The following FAM200B variants were observed in gnomAD, a reference collection of about 807,000 sequenced individuals.
FAM200B encodes protein FAM200B.
FAM200B carries 32 observed loss-of-function variants against 33.1 expected under a neutral mutation model. The observed-to-expected ratio is 0.97, with a 90% CI of 0.73 to 1.30. The LOEUF is 1.30. Ranked by LOEUF, FAM200B falls within the 50% of genes most tolerant of loss-of-function variation. FAM200B has a pLI of 0.00. For synonymous variants in FAM200B, 240 were observed against 264.8 expected (o/e 0.91, Z 0.91); for missense variants, 741 against 754.0 (o/e 0.98, Z 0.20).
chr4:15,638,977 C>T, the FAM200B span, among the ~76,000 whole-genome samples: 1 of 152,066 alleles, frequency 6.6e-6, no homozygotes, highest in African/African-American at 2.4e-5. Flanking sequence ...CCAACCTGAT[C>T]AACATAGAAA....
chr4:15,675,444 T>G, the FAM200B span, among the ~76,000 whole-genome samples: 1 of 152,154 alleles, frequency 6.6e-6, no homozygotes, highest in African/African-American at 2.4e-5. Context: ...CAGGCTTAGA[T>G]CCTATCTAAC....
chr4:15,664,175 A>G, the FAM200B span, among the ~76,000 whole-genome samples: 1 of 152,158 alleles, frequency 6.6e-6, no homozygotes. Context: ...TCATTTTTCC[A>G]TCACTCAGTA....
chr4:15,666,537 CAA>C, the FAM200B span, among the ~76,000 whole-genome samples: 290 of 150,492 alleles, frequency 1.9e-3, 1 homozygote, highest in African/African-American at 6.6e-3. Flanking sequence ...TCAAAGCATG[CAA>C]AGTGTCAGGT....
At chr4:15,637,184 C>T in the FAM200B span, among the ~76,000 whole-genome samples, 5 of 152,094 alleles carry the variant, frequency 3.3e-5, no homozygotes. Flanking sequence ...AAGAGGTCTG[C>T]GAAATCTGAC....
At chr4:15,640,768 G>A in the FAM200B span, 49 of 1,351,272 alleles carry the variant, frequency 3.6e-5, 1 homozygote, top group South Asian at 1.1e-4. Context: ...TCTAAATCAC[G>A]AAAGAAAAAT....
chr4:15,638,588 A>T, the FAM200B span: 1 of 1,613,516 alleles, frequency 6.2e-7, no homozygotes, highest in South Asian at 1.1e-5. Context: ...AAGACCTCTA[A>T]GGAGTTCTGC....
chr4:15,677,861 C>G (rs1307244946), upstream of FAM200B, among the ~76,000 whole-genome samples: 1 of 152,114 alleles, frequency 6.6e-6, no homozygotes, highest in Admixed American at 6.6e-5. Context: ...TGGAAGAAGT[C>G]CAAGTAGGTT....
the FAM200B span, among the ~76,000 whole-genome samples, chr4:15,676,445 C>CA: frequency 1.3e-5 from 2 of 150,060 alleles, no homozygotes; most frequent in African/African-American, 4.9e-5. Context: ...ATGTCAACAA[C>CA]AAAAAAAAGG....
the FAM200B span, among the ~76,000 whole-genome samples, chr4:15,663,419 C>T: frequency 6.6e-6 from 1 of 152,134 alleles, no homozygotes; most frequent in Non-Finnish European, 1.5e-5. Context: ...AATGGTTTGA[C>T]CTGTTGTAGT....
the FAM200B span, among the ~76,000 whole-genome samples, chr4:15,639,392 G>A: frequency 1.3e-5 from 2 of 152,198 alleles, no homozygotes; most frequent in African/African-American, 4.8e-5. Flanking sequence ...AGTACCCAGT[G>A]TAGTGGAACC....
the FAM200B span, among the ~76,000 whole-genome samples, chr4:15,641,880 A>G: frequency 1.3e-5 from 2 of 152,084 alleles, no homozygotes; most frequent in African/African-American, 4.8e-5. Flanking sequence ...TACAAAAATC[A>G]GCCAGGTGTA....
the FAM200B span, among the ~76,000 whole-genome samples, chr4:15,670,747 T>C: frequency 1.3e-5 from 2 of 151,382 alleles, no homozygotes; most frequent in Non-Finnish European, 2.9e-5. Flanking sequence ...GGCAGTAAAA[T>C]AGCAGCTTGC....
At chr4:15,656,961 T>C in the FAM200B span, among the ~76,000 whole-genome samples, 1,013 of 150,110 alleles carry the variant, frequency 6.7e-3, 7 homozygotes, top group African/African-American at 0.023. Flanking sequence ...CCCAGAGTCA[T>C]TGCATTAGTT....
chr4:15,688,038 AT>A lies in FAM200B; in HGVS notation c.1065del (p.Phe355LeufsTer7). Reference sequence around the variant, plus strand: ...TTGAAAAATGCAGTGAAAGTTGTTAATTTTATTAAAGGAAGCTCATTGAATA... The same window carrying A: ...TTGAAAAATGCAGTGAAAGTTGTTAATTTATTAAAGGAAGCTCATTGAATA... ...EVLKNAVKVV[N>X]FIKGSSLNSR... On this transcript the variant is annotated frameshift_variant, in exon 2 of 2. Transcript: ENST00000422728. LOFTEE classifies it high-confidence loss of function. The A allele has an allele frequency of 6.4e-7, 1 of 1,551,216 alleles. No homozygotes were observed. Among genetic ancestry groups the A allele is most frequent in the Non-Finnish European group, 8.7e-7 (1 of 1,146,740 alleles).
At chr4:15,643,795 C>T in the FAM200B span, among the ~76,000 whole-genome samples, 140 of 152,222 alleles carry the variant, frequency 9.2e-4, 1 homozygote, top group South Asian at 4.8e-3. Flanking sequence ...CTTTGGTCAC[C>T]ATTAACTGGA....
chr4:15,653,869 G>T, the FAM200B span, among the ~76,000 whole-genome samples: 1 of 152,128 alleles, frequency 6.6e-6, no homozygotes, highest in Non-Finnish European at 1.5e-5. Context: ...CTGATGTCTG[G>T]GTGAAATCCT....
chr4:15,640,986 A>G, the FAM200B span: 1 of 552,080 alleles, frequency 1.8e-6, no homozygotes, highest in Non-Finnish European at 3.1e-6. Flanking sequence ...CGGGGAAAAA[A>G]AAATAGACAA....
upstream of FAM200B, among the ~76,000 whole-genome samples, chr4:15,680,713 A>T (rs973505545): frequency 3.3e-5 from 5 of 152,040 alleles, no homozygotes; most frequent in Non-Finnish European, 5.9e-5. Context: ...AGAATCAAAA[A>T]TTTTTAAAAA....
rs1718914349 is a variant in FAM200B, at chr4:15,687,002, AAG to A, written c.28_29del (p.Arg10GlufsTer2). 4.2e-6 allele frequency: 6 copies of A among 1,413,830 alleles called. No homozygotes were observed. Among genetic ancestry groups the A allele is most frequent in the Middle Eastern group, 1.8e-4 (1 of 5,554 alleles). The allele number at this position is 1,413,830 out of a possible 1,614,324, so 87.6% of individuals were successfully genotyped here. On this transcript the variant is annotated frameshift_variant, in exon 2 of 2. Coordinates refer to ENST00000422728, the MANE Select transcript of FAM200B (RefSeq NM_001145191.2). LOFTEE classifies it high-confidence loss of function. MDHFFIKR[K>X]RNSEVKYTEA... ...AATGGATCATTTCTTTATTAAAAGA[AAG>A]AGGAATAGTGAAGTGAAATATACAG...
Sources: allele counts gnomAD v4.1 joint callset (sites outside exome capture counted in the v4.1 genomes callset), GRCh38; gene constraint gnomAD v4.1.1; transcripts MANE v1.5; gene names NCBI Gene and HGNC (gene_info 2026-07-23, HGNC 2026-07-21).